Variants in PACRG observed in about 807,000 individuals in gnomAD.
PACRG encodes the protein parkin coregulated, also known as parkin coregulated gene protein.
In PACRG, 29 loss-of-function variants were observed where a neutral mutation model predicts 29.7. That is an observed-to-expected ratio of 0.98 (90% CI 0.73 to 1.33). PACRG has a LOEUF of 1.33. Among genes scored for constraint, PACRG ranks in the 40% most tolerant of loss-of-function variants. PACRG has a pLI of 0.00. For missense variants in PACRG, 279 were observed against 316.2 expected, an observed-to-expected ratio of 0.88 and a Z score of 0.89; for synonymous variants, 116 against 118.7, an observed-to-expected ratio of 0.98 and a Z score of 0.15.
intron 4 of PACRG, among the ~76,000 whole-genome samples, chr6:163,230,773 T>TGGTGTGTAATGCCGAACTGCTGTAGGG (rs1782007803): frequency 9.4e-5 from 6 of 63,494 alleles, no homozygotes; most frequent in South Asian, 6.4e-4. Flanking sequence ...CTGCTGTAGG[T>TGGTGTGTAATGCCGAACTGCTGTAGGG]GCAGAGTTAG....
At chr6:163,077,967 A>G (rs1207207672) in intron 3 of PACRG, among the ~76,000 whole-genome samples, 1 of 152,188 alleles carries the variant, frequency 6.6e-6, no homozygotes, top group Non-Finnish European at 1.5e-5. Flanking sequence ...AAGGCACAGC[A>G]TGTTTAAAGA....
intron 1 of PACRG, among the ~76,000 whole-genome samples, chr6:162,812,629 A>G (rs1786979277): frequency 1.3e-5 from 2 of 152,036 alleles, no homozygotes; most frequent in African/African-American, 4.8e-5. Context: ...AAAAAATGTG[A>G]TTCAAGATTT....
At chr6:163,123,435 G>A (rs80334125) in intron 4 of PACRG, among the ~76,000 whole-genome samples, 5,660 of 152,244 alleles carry the variant, frequency 0.037, 201 homozygotes, top group East Asian at 0.12. Flanking sequence ...GAAATGGTTT[G>A]GGGGGTCGCT....
intron 4 of PACRG, among the ~76,000 whole-genome samples, chr6:163,144,702 G>A (rs923459432): frequency 6.6e-6 from 1 of 152,170 alleles, no homozygotes; most frequent in Non-Finnish European, 1.5e-5. Context: ...CTGGGAGATG[G>A]AGGTTGCAGT....
chr6:163,252,943 C>G (rs1782966577), intron 4 of PACRG, among the ~76,000 whole-genome samples: 1 of 152,132 alleles, frequency 6.6e-6, no homozygotes, highest in Non-Finnish European at 1.5e-5. Context: ...TGTTTCTTCT[C>G]CATTGCTGCT....
chr6:162,916,159 A>C (rs113941769), intron 2 of PACRG, among the ~76,000 whole-genome samples: 1 of 152,142 alleles, frequency 6.6e-6, no homozygotes, highest in South Asian at 2.1e-4. Context: ...TTCATTGAAC[A>C]TAGAATTCTA....
At chr6:163,237,078 A>T (rs147452294) in intron 4 of PACRG, among the ~76,000 whole-genome samples, 1 of 152,190 alleles carries the variant, frequency 6.6e-6, no homozygotes, top group Non-Finnish European at 1.5e-5. Flanking sequence ...ACGAGATTTG[A>T]CTGGGGACAC....
intron 4 of PACRG, among the ~76,000 whole-genome samples, chr6:163,263,807 T>C (rs1783427313): frequency 6.6e-6 from 1 of 152,224 alleles, no homozygotes; most frequent in Non-Finnish European, 1.5e-5. Flanking sequence ...TTTACATATT[T>C]TTTAGATAAA....
chr6:163,199,484 T>C (rs895910315), intron 4 of PACRG, among the ~76,000 whole-genome samples: 1 of 152,218 alleles, frequency 6.6e-6, no homozygotes, highest in Admixed American at 6.5e-5. Context: ...TCATCCCGTT[T>C]GCCTGGGGAG....
intron 4 of PACRG, among the ~76,000 whole-genome samples, chr6:163,203,437 C>T (rs553176473): frequency 6.6e-6 from 1 of 151,988 alleles, no homozygotes; most frequent in Non-Finnish European, 1.5e-5. Context: ...AACAAAAAAA[C>T]CCACCAAACA....
At chr6:162,833,173 G>T (rs1479866265) in intron 2 of PACRG, among the ~76,000 whole-genome samples, 2 of 152,044 alleles carry the variant, frequency 1.3e-5, no homozygotes, top group African/African-American at 4.8e-5. Context: ...AATTATTACA[G>T]CCTTCCTATT....
chr6:162,888,741 A>G (rs975641393), intron 2 of PACRG, among the ~76,000 whole-genome samples: 1 of 152,132 alleles, frequency 6.6e-6, no homozygotes, highest in Non-Finnish European at 1.5e-5. Context: ...ATTTTCATAC[A>G]GGCCCTGGCT....
intron 1 of PACRG, among the ~76,000 whole-genome samples, chr6:162,746,205 T>C (rs1381772796): frequency 6.6e-6 from 1 of 152,162 alleles, no homozygotes. Context: ...GAATAAATAG[T>C]CCCAGAGATA....
intron 4 of PACRG, among the ~76,000 whole-genome samples, chr6:163,133,977 A>G (rs558062579): frequency 1.3e-5 from 2 of 152,364 alleles, no homozygotes; most frequent in Admixed American, 1.3e-4. Flanking sequence ...ATATATGTGC[A>G]TATACACTTT....
At chr6:163,255,751 C>G (rs1223995712) in intron 4 of PACRG, among the ~76,000 whole-genome samples, 1 of 152,160 alleles carries the variant, frequency 6.6e-6, no homozygotes, top group Non-Finnish European at 1.5e-5. Flanking sequence ...ACTCTCGTGC[C>G]TTAGCCTCCC....
chr6:162,826,652 G>A (rs1012010675), intron 2 of PACRG, among the ~76,000 whole-genome samples: 3 of 151,688 alleles, frequency 2.0e-5, no homozygotes, highest in Non-Finnish European at 4.4e-5. Flanking sequence ...TAGTAGAGAC[G>A]GGGTTTCTCC....
Position 162,787,602 on chromosome 6 carries a change from A to G in PACRG, c.157-26545A>G, listed in dbSNP as rs879597154. Among the ~76,000 whole-genome samples, 16 of 138,476 alleles carry G rather than the reference A, an allele frequency of 1.2e-4. No individual in the cohort carries two copies. The East Asian group carries it at 1.3e-3, about 12-fold the overall frequency. 90.8% of individuals were successfully genotyped at this position (138,476 alleles called of 152,430 possible). Reference sequence around the variant, plus strand: ...TGTGTGTATATATATATATATATATATATATATATATATATATATGGTTGT... The same window carrying G: ...TGTGTGTATATATATATATATATATGTATATATATATATATATATGGTTGT... On this transcript the variant is annotated intron_variant, in intron 1 of 4. Coordinates refer to ENST00000366888, the MANE Select transcript of PACRG (RefSeq NM_001080379.2).
chr6:163,113,668 T>C (rs1275654854), intron 4 of PACRG, among the ~76,000 whole-genome samples: 1 of 151,922 alleles, frequency 6.6e-6, no homozygotes, highest in African/African-American at 2.4e-5. Flanking sequence ...AAACTGTATA[T>C]CAAAAGCAAA....
chr6:163,090,592 C>T (rs928946767), intron 4 of PACRG, among the ~76,000 whole-genome samples: 1 of 152,086 alleles, frequency 6.6e-6, no homozygotes, highest in African/African-American at 2.4e-5. Context: ...AACAATATTA[C>T]TACATTTGGA....
Sources: allele counts gnomAD v4.1 joint callset (sites outside exome capture counted in the v4.1 genomes callset), GRCh38; gene constraint gnomAD v4.1.1; transcripts MANE v1.5; gene names NCBI Gene and HGNC (gene_info 2026-07-23, HGNC 2026-07-21).